Variants in C1orf21 observed in about 807,000 individuals in gnomAD.
The protein encoded by C1orf21 is uncharacterized protein C1orf21.
C1orf21 carries 3 observed loss-of-function variants against 18.7 expected under a neutral mutation model. The observed-to-expected ratio is 0.16, with a 90% CI of 0.07 to 0.42. C1orf21 has a LOEUF of 0.42. Ranked by LOEUF, C1orf21 falls within the 10% of genes least tolerant of loss-of-function variation. The pLI, the probability that C1orf21 is intolerant of heterozygous loss-of-function variation, is 0.99. For synonymous variants in C1orf21, 41 were observed against 46.4 expected (o/e 0.88, Z 0.47); for missense variants, 104 against 143.6 (o/e 0.72, Z 1.41).
chr1:184,410,944 G>A (rs963451087), intron 1 of C1orf21, among the ~76,000 whole-genome samples: 8 of 151,510 alleles, frequency 5.3e-5, no homozygotes, highest in South Asian at 2.1e-4. Flanking sequence ...GAGCCACCGC[G>A]CCTGGCCTCG....
intron 1 of C1orf21, among the ~76,000 whole-genome samples, chr1:184,428,242 T>A (rs1197100098): frequency 6.6e-6 from 1 of 152,242 alleles, no homozygotes; most frequent in Non-Finnish European, 1.5e-5. Context: ...CTACACTGAA[T>A]TCTTAAGCTG....
intron 5 of C1orf21, among the ~76,000 whole-genome samples, chr1:184,603,749 C>A (rs1437519068): frequency 1.3e-5 from 2 of 152,166 alleles, no homozygotes; most frequent in African/African-American, 4.8e-5. Context: ...TGAGCAGAGA[C>A]CACGCCACTG....
At chr1:184,519,277 C>G (rs967160025) in intron 3 of C1orf21, among the ~76,000 whole-genome samples, 37 of 152,132 alleles carry the variant, frequency 2.4e-4, no homozygotes, top group African/African-American at 8.9e-4. Flanking sequence ...CTCCTCCTGT[C>G]CAGTAAAGGA....
At position 184,559,752 on chromosome 1, in the gene C1orf21, G is replaced by A. The variant is rs1658936360; in HGVS notation, c.190-30987G>A. Among the ~76,000 whole-genome samples, 6 of 151,942 alleles carry A rather than the reference G, an allele frequency of 3.9e-5. 1 individual carries two copies. Among genetic ancestry groups the A allele is most frequent in the Admixed American group, 3.3e-4 (5 of 15,236 alleles). On this transcript the variant is annotated intron_variant, in intron 3 of 5. Coordinates refer to ENST00000235307, the MANE Select transcript of C1orf21 (RefSeq NM_030806.4). ...CCTGTCTCAGCCTCCTGAGCAGCTG[G>A]GACTACAGGTGCATGCCACCATGCC...
intron 1 of C1orf21, among the ~76,000 whole-genome samples, chr1:184,427,725 C>T (rs1465854237): frequency 6.6e-6 from 1 of 152,202 alleles, no homozygotes; most frequent in African/African-American, 2.4e-5. Flanking sequence ...AGTAACTCTG[C>T]CTTCAATTTC....
intron 1 of C1orf21, among the ~76,000 whole-genome samples, chr1:184,402,881 C>G (rs1431649476): frequency 6.6e-6 from 1 of 152,130 alleles, no homozygotes; most frequent in African/African-American, 2.4e-5. Context: ...AGGCACAGGG[C>G]AAAGGAAAGA....
chr1:184,413,233 A>T (rs1656385068), intron 1 of C1orf21, among the ~76,000 whole-genome samples: 1 of 152,210 alleles, frequency 6.6e-6, no homozygotes. Flanking sequence ...GGATGCTGAG[A>T]TGTTATATGT....
chr1:184,518,297 T>C (rs1279347640), intron 3 of C1orf21, among the ~76,000 whole-genome samples: 2 of 152,150 alleles, frequency 1.3e-5, no homozygotes, highest in Non-Finnish European at 2.9e-5. Flanking sequence ...GAGAATAAAA[T>C]AATGCACACA....
At chr1:184,523,422 C>A (rs887898267) in intron 3 of C1orf21, among the ~76,000 whole-genome samples, 13 of 151,972 alleles carry the variant, frequency 8.6e-5, no homozygotes, top group African/African-American at 3.1e-4. Flanking sequence ...GGGCATTCTA[C>A]AAAATATCTG....
chr1:184,610,850 A>C (rs1659725066), intron 5 of C1orf21, among the ~76,000 whole-genome samples: 2 of 151,440 alleles, frequency 1.3e-5, no homozygotes, highest in African/African-American at 4.8e-5. Context: ...CTGACTCAAA[A>C]AAAAAAAAAA....
At chr1:184,471,796 GTA>G (rs1657500209) in intron 1 of C1orf21, among the ~76,000 whole-genome samples, 1 of 152,144 alleles carries the variant, frequency 6.6e-6, no homozygotes, top group Non-Finnish European at 1.5e-5. Flanking sequence ...CAAAATCCTT[GTA>G]TCTTTGGAGT....
At chr1:184,436,021 G>A (rs1210493546) in intron 1 of C1orf21, among the ~76,000 whole-genome samples, 5 of 152,268 alleles carry the variant, frequency 3.3e-5, no homozygotes, top group Non-Finnish European at 5.9e-5. Context: ...ACAGTAGCAC[G>A]TGGAGACCAA....
At chr1:184,425,222 G>A (rs549451460) in intron 1 of C1orf21, among the ~76,000 whole-genome samples, 1 of 151,790 alleles carries the variant, frequency 6.6e-6, no homozygotes, top group South Asian at 2.1e-4. Context: ...GATGGTGTAT[G>A]TGGAAGGACT....
intron 1 of C1orf21, among the ~76,000 whole-genome samples, chr1:184,407,505 G>A (rs1012075722): frequency 3.3e-5 from 5 of 151,988 alleles, no homozygotes; most frequent in African/African-American, 7.3e-5. Context: ...CTTTCCCCAC[G>A]GGTCACATCC....
intron 1 of C1orf21, among the ~76,000 whole-genome samples, chr1:184,393,974 A>T (rs1003759408): frequency 2.0e-5 from 3 of 152,190 alleles, no homozygotes; most frequent in Non-Finnish European, 4.4e-5. Flanking sequence ...CCAAGTGAAG[A>T]TTCTTTAGCT....
intron 3 of C1orf21, among the ~76,000 whole-genome samples, chr1:184,521,325 T>C: frequency 6.6e-6 from 1 of 152,144 alleles, no homozygotes; most frequent in East Asian, 1.9e-4. Context: ...CAAAAACCTT[T>C]ATGTGAATGT....
rs181243418 is a variant in C1orf21, at chr1:184,495,806, C to G, written c.95-11782C>G. On this transcript the variant is annotated intron_variant, in intron 2 of 5. Coordinates refer to ENST00000235307, the MANE Select transcript of C1orf21 (RefSeq NM_030806.4). ...ATGGTGGCAGGTGACGTAATCTCAG[C>G]TACTCGGGAGACTGAGGCAGAGAAT... is the stretch of plus-strand genomic sequence containing the variant. 7.3e-5 allele frequency among the ~76,000 whole-genome samples: 11 copies of G among 151,218 alleles called. No individual in the cohort carries two copies. The East Asian group carries it at 2.2e-3, about 30-fold the overall frequency.
At chr1:184,391,343 T>C (rs752393825) in intron 1 of C1orf21, among the ~76,000 whole-genome samples, 14 of 152,212 alleles carry the variant, frequency 9.2e-5, no homozygotes, top group Non-Finnish European at 1.6e-4. Flanking sequence ...TTCTCTTACA[T>C]TTGTGAAAGG....
intron 5 of C1orf21, among the ~76,000 whole-genome samples, chr1:184,600,050 A>G (rs1480484363): frequency 1.3e-5 from 2 of 152,264 alleles, no homozygotes; most frequent in African/African-American, 2.4e-5. Context: ...TTTGGCAAGA[A>G]AAAGATTTGC....
Sources: gnomAD v4.1 joint callset for allele counts (sites outside exome capture counted in the v4.1 genomes callset) on GRCh38, gnomAD v4.1.1 for gene constraint, MANE v1.5 for transcripts, NCBI Gene and HGNC (gene_info 2026-07-23, HGNC 2026-07-21) for gene names.